The following FAM171B variants were observed in gnomAD, a reference collection of about 807,000 sequenced individuals.
FAM171B encodes the protein protein FAM171B.
FAM171B carries 19 observed loss-of-function variants against 75.6 expected under a neutral mutation model. That is an observed-to-expected ratio of 0.25 (90% CI 0.18 to 0.37). The LOEUF (loss-of-function observed/expected upper bound fraction) is 0.37, where lower values mean the gene tolerates loss of function less well. Ranked by LOEUF, FAM171B falls within the 10% of genes least tolerant of loss-of-function variation. FAM171B has a pLI of 1.00. For synonymous variants in FAM171B, 367 were observed against 361.7 expected, an observed-to-expected ratio of 1.01 and a Z score of -0.17; for missense variants, 848 against 982.4, an observed-to-expected ratio of 0.86 and a Z score of 1.83.
At chr2:186,733,835 A>G (rs1435443885) in intron 1 of FAM171B, among the ~76,000 whole-genome samples, 1 of 152,058 alleles carries the variant, frequency 6.6e-6, no homozygotes, top group East Asian at 1.9e-4. Context: ...GGCACCCGGG[A>G]GCTTGGAGAT....
chr2:186,730,515 G>T (rs917306260), intron 1 of FAM171B, among the ~76,000 whole-genome samples: 1 of 152,118 alleles, frequency 6.6e-6, no homozygotes, highest in African/African-American at 2.4e-5. Context: ...GACCCTGTTA[G>T]TCAGGCCTGT....
At chr2:186,748,859 G>A (rs1690410442) in intron 4 of FAM171B, among the ~76,000 whole-genome samples, 1 of 152,034 alleles carries the variant, frequency 6.6e-6, no homozygotes, top group Admixed American at 6.6e-5. Flanking sequence ...GTAAATAAAA[G>A]CATTTACTAG....
In FAM171B at chr2:186,736,546, G is replaced by GTT. The variant is rs1690201994; in HGVS notation, c.239-3681_239-3680insTT. The stretch of plus-strand genomic sequence containing the variant: ...CTGAAATATGTTTGTGGCTGTGTGT[G>GTT]TGTGTGTGTGTGTGTGTGTGGGAGA... On this transcript the variant is annotated intron_variant, in intron 1 of 7. Transcript: ENST00000304698. 4.9e-5 allele frequency among the ~76,000 whole-genome samples: 6 copies of GTT among 122,454 alleles called. No homozygotes were observed. The South Asian group carries it at 1.5e-3, about 31-fold the overall frequency. 80.3% of individuals were successfully genotyped at this position (122,454 alleles called of 152,430 possible). A position where few individuals can be genotyped will look rare whatever the true frequency, so the allele number is the denominator to read the frequency against.
At chr2:186,722,486 A>AT (rs533062543) in intron 1 of FAM171B, among the ~76,000 whole-genome samples, 90 of 152,226 alleles carry the variant, frequency 5.9e-4, no homozygotes, top group Non-Finnish European at 1.1e-3. Context: ...TTACAGTACC[A>AT]TTTTTTTATT....
intron 1 of FAM171B, among the ~76,000 whole-genome samples, chr2:186,708,239 G>C (rs1689759969): frequency 6.6e-6 from 1 of 152,062 alleles, no homozygotes; most frequent in South Asian, 2.1e-4. Flanking sequence ...TGGATGAAGA[G>C]CAATACCTGC....
rs139468392 is a variant in FAM171B, at chr2:186,736,225, G to A, written c.239-4003G>A. On this transcript the variant is annotated intron_variant, in intron 1 of 7. Coordinates refer to ENST00000304698, the MANE Select transcript of FAM171B (RefSeq NM_177454.4). ...TGAGATGATAATTGCTTTTAAGAGAGTAACCAGGCAGATGTAGGGCAATGG... is the reference window on the plus strand; with the variant it reads ...TGAGATGATAATTGCTTTTAAGAGAATAACCAGGCAGATGTAGGGCAATGG... Among the ~76,000 whole-genome samples the A allele has an allele frequency of 1.6e-4, 24 of 152,250 alleles. No individual in the cohort carries two copies. In the East Asian group the frequency reaches 4.4e-3, roughly 28 times the overall value.
intron 1 of FAM171B, among the ~76,000 whole-genome samples, chr2:186,723,180 G>A (rs926382581): frequency 6.6e-6 from 1 of 152,146 alleles, no homozygotes; most frequent in Non-Finnish European, 1.5e-5. Context: ...AGGGGGTATT[G>A]TACCCTAGCA....
intron 2 of FAM171B, 115 bp from the exon 3 acceptor site, chr2:186,743,368 C>T (rs1690319654): frequency 3.2e-6 from 2 of 628,906 alleles, no homozygotes; most frequent in Non-Finnish European, 2.8e-6. Context: ...TCCCATCAAG[C>T]ATTTGTTCCC....
At chr2:186,699,061 C>A (rs574185666) in intron 1 of FAM171B, among the ~76,000 whole-genome samples, 20 of 152,128 alleles carry the variant, frequency 1.3e-4, no homozygotes, top group Admixed American at 8.5e-4. Flanking sequence ...CAAATATTGG[C>A]GATTGTGAAT....
chr2:186,761,300 AC>A, intron 7 of FAM171B, 64 bp downstream of exon 7: 1 of 1,553,296 alleles, frequency 6.4e-7, no homozygotes, highest in African/African-American at 1.4e-5. Flanking sequence ...TATATTCTGT[AC>A]ATTGAAAAGT....
At chr2:186,718,635 A>T (rs747246419) in intron 1 of FAM171B, among the ~76,000 whole-genome samples, 4 of 152,224 alleles carry the variant, frequency 2.6e-5, no homozygotes, top group Non-Finnish European at 5.9e-5. Flanking sequence ...ATATACTTAC[A>T]TACACATCTA....
In FAM171B at chr2:186,762,884, T is replaced by C; in HGVS notation, c.*61T>C. The C allele has an allele frequency of 6.5e-7, 1 of 1,542,656 alleles. No homozygotes were observed. The highest frequency in any genetic ancestry group is 8.7e-7 in the Non-Finnish European group (1 of 1,146,286). On this transcript the variant is annotated 3_prime_UTR_variant, in exon 8 of 8. Coordinates refer to ENST00000304698, the MANE Select transcript of FAM171B (RefSeq NM_177454.4). This position sits in a 1 kb window ranked among gnomAD's most constrained non-coding sequence, Gnocchi z 4.0. ...GTTTATTCTTGCTTCTTGTTGTAAA[T>C]TGCAGTACGAACTTAAGAAAATGAG...
chr2:186,715,158 T>G (rs749200639), intron 1 of FAM171B, among the ~76,000 whole-genome samples: 1 of 152,156 alleles, frequency 6.6e-6, no homozygotes, highest in Non-Finnish European at 1.5e-5. Context: ...CAGAATCTCT[T>G]TGGCTTGCTT....
intron 1 of FAM171B, among the ~76,000 whole-genome samples, chr2:186,718,829 C>T (rs1032636303): frequency 1.3e-5 from 2 of 152,122 alleles, no homozygotes; most frequent in South Asian, 2.1e-4. Context: ...TTCTTTTGTA[C>T]GAAATGTGTA....
In FAM171B at chr2:186,747,210, C is replaced by G. The variant is rs765841454; in HGVS notation, c.684C>G (p.Asp228Glu). 1.2e-6 allele frequency: 2 copies of G among 1,602,968 alleles called. No homozygotes were observed. The highest frequency in any genetic ancestry group is 1.7e-6 in the Non-Finnish European group (2 of 1,175,770). Reference sequence around the variant, plus strand: ...TTCTACAACAGTTTTTGAAAGTGGACAATTTTCTGCATACAACTGGAATTA... The same window carrying G: ...TTCTACAACAGTTTTTGAAAGTGGAGAATTTTCTGCATACAACTGGAATTA... ...LTVLQQFLKV[D>E]NFLHTTGITL... Residue 228 changes from aspartate to glutamate, a missense_variant, in exon 4 of 8, where the codon GAC (aspartate) becomes GAG (glutamate). Coordinates refer to ENST00000304698, the MANE Select transcript of FAM171B (RefSeq NM_177454.4).
Position 186,740,236 on chromosome 2 carries a change from T to C in FAM171B, c.247T>C (p.Phe83Leu). 1 of 1,613,314 alleles carries C rather than the reference T, an allele frequency of 6.2e-7. No individual in the cohort carries two copies. Among genetic ancestry groups the C allele is most frequent in the Non-Finnish European group, 8.5e-7 (1 of 1,179,312 alleles). Reference protein sequence around the residue: ...TSTLTVPVSVFMLKVQVNDII... With the variant: ...TSTLTVPVSVLMLKVQVNDII... The stretch of plus-strand genomic sequence containing the variant: ...TACCTTTTTCTCTCCAGTGTCTGTA[T>C]TTATGTTGAAAGTCCAGGTGAATGA... The change falls in exon 2 of 8, where the codon TTT becomes CTT. Residue 83 changes from phenylalanine (F) to leucine (L), a missense_variant. Around this residue, in one of 3 missense-constraint regions of FAM171B, gnomAD observed 665 missense variants for 729.0 expected, o/e 0.91. Coordinates refer to ENST00000304698, the MANE Select transcript of FAM171B (RefSeq NM_177454.4).
intron 1 of FAM171B, among the ~76,000 whole-genome samples, chr2:186,725,988 C>G (rs1281485838): frequency 6.6e-6 from 1 of 152,210 alleles, no homozygotes; most frequent in Non-Finnish European, 1.5e-5. Flanking sequence ...ATAGTAATGG[C>G]TCAGCTCTCT....
intron 6 of FAM171B, among the ~76,000 whole-genome samples, chr2:186,760,444 C>A (rs569416795): frequency 6.6e-6 from 1 of 152,180 alleles, no homozygotes; most frequent in South Asian, 2.1e-4. Flanking sequence ...AAAATAAATG[C>A]AGCTGATAAT....
At chr2:186,715,319 C>A (rs576584764) in intron 1 of FAM171B, among the ~76,000 whole-genome samples, 10 of 152,112 alleles carry the variant, frequency 6.6e-5, no homozygotes, top group Non-Finnish European at 1.3e-4. Context: ...CCTCTCACCT[C>A]AGCTTCCCAG....
Sources: allele counts gnomAD v4.1 joint callset (sites outside exome capture counted in the v4.1 genomes callset), GRCh38; gene constraint gnomAD v4.1.1; regional missense constraint gnomAD v4.1.1; non-coding constraint Gnocchi (gnomAD v3.1); transcripts MANE v1.5; gene names NCBI Gene and HGNC (gene_info 2026-07-23, HGNC 2026-07-21).